The following KCNG3 variants were observed in gnomAD, a reference collection of about 807,000 sequenced individuals.
KCNG3 encodes voltage-gated potassium channel regulatory subunit KCNG3.
KCNG3 carries 15 observed loss-of-function variants against 29.0 expected under a neutral mutation model. That is an observed-to-expected ratio of 0.52 (90% CI 0.35 to 0.80). The LOEUF is 0.80. Among genes scored for constraint, KCNG3 ranks in the 30% least tolerant of loss-of-function variants. The pLI is 0.01. For synonymous variants in KCNG3, 322 were observed against 248.9 expected (o/e 1.29, Z -2.76); for missense variants, 512 against 605.7 (o/e 0.85, Z 1.62).
intron 1 of KCNG3, among the ~76,000 whole-genome samples, chr2:42,474,752 C>G (rs1244225596): frequency 6.6e-6 from 1 of 152,080 alleles, no homozygotes; most frequent in Non-Finnish European, 1.5e-5. Context: ...AAGTTTTATG[C>G]ACTACATTGT....
At chr2:42,409,761 G>A in the KCNG3 span, among the ~76,000 whole-genome samples, 51 of 144,820 alleles carry the variant, frequency 3.5e-4, no homozygotes, top group South Asian at 9.7e-3. Flanking sequence ...GAAAAAGCTC[G>A]CGCTCCCACC....
the KCNG3 span, among the ~76,000 whole-genome samples, chr2:42,401,045 G>T: frequency 1.3e-5 from 2 of 150,842 alleles, no homozygotes; most frequent in Admixed American, 6.6e-5. Context: ...AAACACATGT[G>T]TGTATATAAA....
chr2:42,400,789 T>C, the KCNG3 span, among the ~76,000 whole-genome samples: 1 of 152,096 alleles, frequency 6.6e-6, no homozygotes, highest in Non-Finnish European at 1.5e-5. Context: ...AATGGGTTTT[T>C]TTTTTCCCCT....
In KCNG3 at chr2:42,442,065, C is replaced by T. The variant is rs1048099852; in HGVS notation, c.*1869G>A. 4 of 151,946 alleles carry T rather than the reference C, an allele frequency of 2.6e-5. No homozygotes were observed. Among genetic ancestry groups the T allele is most frequent in the Non-Finnish European group, 4.4e-5 (3 of 68,012 alleles). The allele number at this position is 151,946 out of a possible 1,614,324, so 9.4% of individuals were successfully genotyped here. On this transcript the variant is annotated 3_prime_UTR_variant, in exon 2 of 2. Transcript: ENST00000306078. ...AGTAATATGGAGGTGCTATCATCTGCACATTGTTTGCATGAACCACAAAGC... is the reference window on the plus strand; with the variant it reads ...AGTAATATGGAGGTGCTATCATCTGTACATTGTTTGCATGAACCACAAAGC...
intron 1 of KCNG3, among the ~76,000 whole-genome samples, chr2:42,452,243 A>ATATATATTTTTT: frequency 1.1e-3 from 100 of 95,040 alleles, no homozygotes; most frequent in Non-Finnish European, 1.9e-3. Context: ...ATATATATAT[A>ATATATATTTTTT]TTTTTTTTTT....
the KCNG3 span, among the ~76,000 whole-genome samples, chr2:42,416,141 G>A: frequency 6.6e-6 from 1 of 151,954 alleles, no homozygotes; most frequent in Non-Finnish European, 1.5e-5. Context: ...AACCTGGGAG[G>A]TGAAGGTTGC....
the KCNG3 span, among the ~76,000 whole-genome samples, chr2:42,420,398 G>A: frequency 6.6e-6 from 1 of 152,158 alleles, no homozygotes; most frequent in Non-Finnish European, 1.5e-5. Flanking sequence ...CTACCTTACA[G>A]AATTAATGCA....
the KCNG3 span, among the ~76,000 whole-genome samples, chr2:42,394,476 C>A: frequency 6.6e-6 from 1 of 152,174 alleles, no homozygotes; most frequent in African/African-American, 2.4e-5. Context: ...CCTTGTCACA[C>A]CTACACCCTT....
At chr2:42,410,453 T>C in the KCNG3 span, among the ~76,000 whole-genome samples, 13 of 152,068 alleles carry the variant, frequency 8.5e-5, no homozygotes, top group Non-Finnish European at 1.8e-4. Context: ...ACCTATGGAG[T>C]ATATTATTAA....
At chr2:42,429,096 G>C in the KCNG3 span, among the ~76,000 whole-genome samples, 1 of 152,056 alleles carries the variant, frequency 6.6e-6, no homozygotes, top group African/African-American at 2.4e-5. Context: ...TCCAGCCTGG[G>C]TGACAGAGCA....
At chr2:42,429,460 G>C in the KCNG3 span, among the ~76,000 whole-genome samples, 1 of 152,196 alleles carries the variant, frequency 6.6e-6, no homozygotes, top group African/African-American at 2.4e-5. Flanking sequence ...TTTGAGCTTA[G>C]AGTAAAATTC....
the KCNG3 span, among the ~76,000 whole-genome samples, chr2:42,397,840 AT>A: frequency 2.0e-5 from 3 of 152,340 alleles, no homozygotes; most frequent in South Asian, 4.1e-4. Flanking sequence ...AAAATCTGGC[AT>A]TTGTATGGCC....
At chr2:42,397,436 G>A in the KCNG3 span, among the ~76,000 whole-genome samples, 1 of 152,118 alleles carries the variant, frequency 6.6e-6, no homozygotes, top group Non-Finnish European at 1.5e-5. Context: ...CTTACAGGAG[G>A]AGAAAGAGAC....
At chr2:42,436,149 A>G in the KCNG3 span, among the ~76,000 whole-genome samples, 6 of 152,352 alleles carry the variant, frequency 3.9e-5, no homozygotes, top group African/African-American at 1.4e-4. Context: ...CCAGCCACAT[A>G]TCATATGATT....
chr2:42,390,210 A>G, the KCNG3 span, among the ~76,000 whole-genome samples: 37 of 152,208 alleles, frequency 2.4e-4, no homozygotes, highest in Non-Finnish European at 1.5e-5. Context: ...AGCTGATGCT[A>G]TCTTATTTAG....
chr2:42,477,386 T>TACACACACACACACACAC (rs1198473558), intron 1 of KCNG3, among the ~76,000 whole-genome samples: 1 of 103,398 alleles, frequency 9.7e-6, no homozygotes, highest in African/African-American at 4.3e-5. Context: ...CACACATATA[T>TACACACACACACACACAC]ATACACACAC....
At chr2:42,427,944 C>T in the KCNG3 span, among the ~76,000 whole-genome samples, 2 of 151,764 alleles carry the variant, frequency 1.3e-5, no homozygotes, top group African/African-American at 4.8e-5. Context: ...AGTTTGGGGC[C>T]CTAAAAGCAA....
chr2:42,445,541 T>C (rs571256733), intron 1 of KCNG3, among the ~76,000 whole-genome samples: 1 of 152,184 alleles, frequency 6.6e-6, no homozygotes, highest in Admixed American at 6.5e-5. Context: ...GACTCCCACA[T>C]TGGAGCAAAA....
chr2:42,472,858 T>C lies in KCNG3; in HGVS notation c.665+19979A>G, dbSNP rs1333260973. The stretch of plus-strand genomic sequence containing the variant: ...TATAGATATCTATGTAAATATATAA[T>C]CTATAAATATATATATATAGATCTA... On this transcript the variant is annotated intron_variant, in intron 1 of 1. Transcript: ENST00000306078. Among the ~76,000 whole-genome samples, 17 of 147,402 alleles carry C rather than the reference T, an allele frequency of 1.2e-4. No homozygotes were observed. In the East Asian group the frequency reaches 3.1e-3, roughly 27 times the overall value.
Sources: allele counts gnomAD v4.1 joint callset (sites outside exome capture counted in the v4.1 genomes callset), GRCh38; gene constraint gnomAD v4.1.1; transcripts MANE v1.5; gene names NCBI Gene and HGNC (gene_info 2026-07-23, HGNC 2026-07-21).